BCAT1: variants seen among roughly 807,000 people sequenced by gnomAD.
BCAT1 encodes branched-chain-amino-acid aminotransferase, cytosolic.
A neutral mutation model predicts 52.4 loss-of-function variants in BCAT1; 48 were observed. The observed-to-expected ratio is 0.92, with a 90% CI of 0.73 to 1.16. BCAT1 has a LOEUF of 1.16. BCAT1 is among the 50% of genes most tolerant of loss of function. BCAT1 has a pLI of 0.00. For synonymous variants in BCAT1, 167 were observed against 161.3 expected, an observed-to-expected ratio of 1.04 and a Z score of -0.27; for missense variants, 451 against 457.1, an observed-to-expected ratio of 0.99 and a Z score of 0.12.
intron 5 of BCAT1, among the ~76,000 whole-genome samples, chr12:24,864,067 T>G (rs1031098593): frequency 1.3e-5 from 2 of 152,258 alleles, no homozygotes; most frequent in Admixed American, 6.5e-5. Flanking sequence ...TGTCTATGGC[T>G]GCTTTTGTAC....
rs979635826 is a variant in BCAT1, at chr12:24,891,970, G to A, written c.279+2305C>T. The stretch of plus-strand genomic sequence containing the variant: ...GATGGGGTTTCACCATGTTAGCCAG[G>A]ATGGTCTCGATCTCCTGACCTCGTG... On this transcript the variant is annotated intron_variant, in intron 3 of 10. Coordinates refer to ENST00000261192, the MANE Select transcript of BCAT1 (RefSeq NM_005504.7). 4.0e-5 allele frequency among the ~76,000 whole-genome samples: 6 copies of A among 151,702 alleles called. No individual in the cohort carries two copies. The South Asian group carries it at 1.3e-3, about 32-fold the overall frequency.
chr12:24,907,601 C>T (rs748213391), intron 1 of BCAT1, among the ~76,000 whole-genome samples: 15 of 152,034 alleles, frequency 9.9e-5, no homozygotes, highest in Non-Finnish European at 1.9e-4. Flanking sequence ...CCTGCCCTTG[C>T]GATAATGTAC....
chr12:24,837,045 AAAG>A (rs1940996635), intron 7 of BCAT1, among the ~76,000 whole-genome samples: 1 of 130,786 alleles, frequency 7.6e-6, no homozygotes, highest in South Asian at 2.5e-4. Context: ...AGAAAAAAGA[AAAG>A]AAAAGAAAGA....
chr12:24,864,206 G>A (rs929850862), intron 5 of BCAT1, among the ~76,000 whole-genome samples: 7 of 152,112 alleles, frequency 4.6e-5, no homozygotes, highest in Non-Finnish European at 8.8e-5. Flanking sequence ...GGTTATTATC[G>A]CACCAGGAAT....
chr12:24,884,294 T>C (rs1172285178), intron 3 of BCAT1, among the ~76,000 whole-genome samples: 1 of 152,108 alleles, frequency 6.6e-6, no homozygotes, highest in Non-Finnish European at 1.5e-5. Flanking sequence ...ACTGAAAAAG[T>C]CAAACTAATG....
At chr12:24,849,483 G>C (rs953472555) in intron 6 of BCAT1, among the ~76,000 whole-genome samples, 1 of 152,212 alleles carries the variant, frequency 6.6e-6, no homozygotes, top group African/African-American at 2.4e-5. Context: ...TGTGATGCTT[G>C]TTGTAGTTTC....
chr12:24,878,469 C>G, intron 5 of BCAT1, 61 bp downstream of exon 5: 1 of 1,466,586 alleles, frequency 6.8e-7, no homozygotes, highest in Non-Finnish European at 9.1e-7. Context: ...AAGTTTCAAA[C>G]AACAATAAAC....
At chr12:24,928,542 A>C (rs992477337) in intron 1 of BCAT1, among the ~76,000 whole-genome samples, 8 of 144,530 alleles carry the variant, frequency 5.5e-5, no homozygotes, top group African/African-American at 2.0e-4. Context: ...CGGGAGACTG[A>C]GGTGGTAGGA....
chr12:24,853,357 C>G (rs1452856358), intron 5 of BCAT1, among the ~76,000 whole-genome samples: 3 of 152,230 alleles, frequency 2.0e-5, no homozygotes, highest in African/African-American at 7.2e-5. Flanking sequence ...AACAGAAAAC[C>G]AAAATATCAC....
chr12:24,837,373 C>A (rs944808869), intron 7 of BCAT1, among the ~76,000 whole-genome samples: 5 of 151,912 alleles, frequency 3.3e-5, no homozygotes, highest in Admixed American at 3.3e-4. Context: ...GGAGGCTATC[C>A]CCAAGAAGTG....
chr12:24,944,521 C>T (rs1009541402), intron 1 of BCAT1, among the ~76,000 whole-genome samples: 2 of 152,172 alleles, frequency 1.3e-5, no homozygotes, highest in African/African-American at 2.4e-5. Context: ...GTGCTCCTTC[C>T]GTCTCAACTT....
chr12:24,823,946 T>C (rs1940261875), intron 10 of BCAT1, among the ~76,000 whole-genome samples: 1 of 152,218 alleles, frequency 6.6e-6, no homozygotes, highest in African/African-American at 2.4e-5. Flanking sequence ...CTGAGAACTT[T>C]GGTAATGGTT....
At chr12:24,821,846 G>A (rs1940147961) in intron 10 of BCAT1, among the ~76,000 whole-genome samples, 1 of 152,166 alleles carries the variant, frequency 6.6e-6, no homozygotes, top group Non-Finnish European at 1.5e-5. Flanking sequence ...GAGTGAATGT[G>A]TATTTGGACT....
chr12:24,879,738 C>T (rs575056088), intron 4 of BCAT1, among the ~76,000 whole-genome samples: 2 of 152,190 alleles, frequency 1.3e-5, no homozygotes, highest in Non-Finnish European at 2.9e-5. Context: ...TGTCCTTTTG[C>T]TCTTTGTGAC....
At chr12:24,888,135 A>T (rs1446918135) in intron 3 of BCAT1, among the ~76,000 whole-genome samples, 1 of 152,218 alleles carries the variant, frequency 6.6e-6, no homozygotes, top group South Asian at 2.1e-4. Flanking sequence ...AATGGACTAG[A>T]TGTTTCACCA....
chr12:24,902,740 C>A, intron 1 of BCAT1: 1 of 754,096 alleles, frequency 1.3e-6, no homozygotes. Context: ...CAGCGGGAAC[C>A]TCGAAGAGGT....
rs937904041 is a variant in BCAT1 at position 24,830,031 on chromosome 12, T to A, written c.1045-134A>T. On this transcript the variant is annotated intron_variant, in intron 9 of 10. Transcript: ENST00000261192. The stretch of plus-strand genomic sequence containing the variant: ...AGGAATAGCACTAAAACCTACTGAC[T>A]CTGAGTGCTAGCACCTTATGCCAAA... 15 of 562,702 alleles carry A rather than the reference T, an allele frequency of 2.7e-5. No homozygotes were observed. The African/African-American group carries it at 2.9e-4, about 11-fold the overall frequency. 34.9% of individuals were successfully genotyped at this position (562,702 alleles called of 1,614,324 possible). A position where few individuals can be genotyped will look rare whatever the true frequency, so the allele number is the denominator to read the frequency against.
intron 1 of BCAT1, among the ~76,000 whole-genome samples, chr12:24,933,506 G>A (rs1943709619): frequency 6.6e-6 from 1 of 152,086 alleles, no homozygotes; most frequent in Admixed American, 6.5e-5. Context: ...TTCACCCTCT[G>A]ATATGGTTTG....
At chr12:24,914,443 T>A (rs1415095790) in intron 1 of BCAT1, among the ~76,000 whole-genome samples, 1 of 152,160 alleles carries the variant, frequency 6.6e-6, no homozygotes, top group African/African-American at 2.4e-5. Flanking sequence ...GCCGCTCCAA[T>A]TAAACGGTTA....
Sources: gnomAD v4.1 joint callset for allele counts (sites outside exome capture counted in the v4.1 genomes callset) on GRCh38, gnomAD v4.1.1 for gene constraint, MANE v1.5 for transcripts, NCBI Gene and HGNC (gene_info 2026-07-23, HGNC 2026-07-21) for gene names.